LRIG1: variants seen among roughly 807,000 people sequenced by gnomAD.
LRIG1 encodes leucine rich repeats and immunoglobulin like domains 1, also known as leucine-rich repeats and immunoglobulin-like domains protein 1.
Under a neutral mutation model 99.2 loss-of-function variants are expected in LRIG1, and 48 were observed. That is an observed-to-expected ratio of 0.48 (90% CI 0.38 to 0.62). The LOEUF (loss-of-function observed/expected upper bound fraction) is 0.62. LRIG1 is among the 20% of genes least tolerant of loss of function. The pLI, the probability that LRIG1 is intolerant of heterozygous loss-of-function variation, is 0.00. For synonymous variants in LRIG1, 772 were observed against 596.1 expected (o/e 1.29, Z -4.30); for missense variants, 1,646 against 1,434.4 (o/e 1.15, Z -2.38).
At chr3:66,484,139 T>C (rs973220169) in intron 1 of LRIG1, among the ~76,000 whole-genome samples, 10 of 152,174 alleles carry the variant, frequency 6.6e-5, no homozygotes, top group Non-Finnish European at 2.9e-5. Flanking sequence ...GTGAGGGGTA[T>C]AGGAAGCTAC....
intron 12 of LRIG1, among the ~76,000 whole-genome samples, chr3:66,391,167 G>T (rs1308201094): frequency 6.6e-6 from 1 of 152,124 alleles, no homozygotes. Flanking sequence ...AATAACACAT[G>T]CTAGCAAAAA....
intron 1 of LRIG1, among the ~76,000 whole-genome samples, chr3:66,479,483 AAAAACTCTTCTCGCCTG>A (rs1052786886): frequency 6.6e-6 from 1 of 152,232 alleles, no homozygotes; most frequent in African/African-American, 2.4e-5. Flanking sequence ...TCTTAAAAAT[AAAAACTCTTCTCGCCTG>A]AGGAAGATAG....
rs149328398 is a variant in LRIG1 at position 66,418,229 on chromosome 3, T to C, written c.366-963A>G. Among the ~76,000 whole-genome samples the C allele has an allele frequency of 3.7e-3, 569 of 152,268 alleles. 2 individuals are homozygous for C. The highest frequency in any genetic ancestry group is 0.013 in the African/African-American group (540 of 41,564). Reference sequence around the variant, plus strand: ...GCCTCAGCCTCCCAGATCGCTGGGATTACAGGCACGTGCCACCACACCCAG... The same window carrying C: ...GCCTCAGCCTCCCAGATCGCTGGGACTACAGGCACGTGCCACCACACCCAG... On this transcript the variant is annotated intron_variant, in intron 3 of 18. Transcript: ENST00000273261.
intron 3 of LRIG1, among the ~76,000 whole-genome samples, chr3:66,442,312 C>A (rs758743767): frequency 2.6e-5 from 4 of 152,182 alleles, no homozygotes; most frequent in Non-Finnish European, 5.9e-5. Context: ...TGAGCAGACA[C>A]AATAGGCCCT....
chr3:66,465,765 A>G (rs1384539669), intron 1 of LRIG1, among the ~76,000 whole-genome samples: 1 of 152,062 alleles, frequency 6.6e-6, no homozygotes, highest in Non-Finnish European at 1.5e-5. Flanking sequence ...GTACCTTCAC[A>G]CTGTTGTGCA....
chr3:66,382,515 A>G, intron 15 of LRIG1, 117 bp from the exon 16 acceptor site: 1 of 1,192,060 alleles, frequency 8.4e-7, no homozygotes, highest in South Asian at 1.3e-5. Context: ...AGCGCTGTGC[A>G]GAGAGATGAC....
At chr3:66,401,750 T>A in intron 9 of LRIG1, 1 of 1,140,410 alleles carries the variant, frequency 8.8e-7, no homozygotes, top group Non-Finnish European at 1.2e-6. Flanking sequence ...ACAGCCGGGC[T>A]CCCTTTCAGA....
chr3:66,394,227 G>A (rs1423094145), intron 11 of LRIG1, 24 bp from the exon 12 acceptor site: 1 of 1,544,338 alleles, frequency 6.5e-7, no homozygotes. Context: ...AACAGTGGAT[G>A]CTTCAGGTGC....
chr3:66,391,951 AC>A (rs1180363555), intron 12 of LRIG1, among the ~76,000 whole-genome samples: 1 of 152,068 alleles, frequency 6.6e-6, no homozygotes, highest in African/African-American at 2.4e-5. Context: ...TTTAGCTATT[AC>A]CCCTCTCTTT....
intron 3 of LRIG1, among the ~76,000 whole-genome samples, chr3:66,449,705 C>T (rs1184839753): frequency 1.3e-5 from 2 of 152,218 alleles, no homozygotes; most frequent in Non-Finnish European, 2.9e-5. Context: ...GCGTTTGTGT[C>T]TGGTCTCAGT....
chr3:66,489,867 CCT>C (rs1701062962), intron 1 of LRIG1, among the ~76,000 whole-genome samples: 1 of 152,052 alleles, frequency 6.6e-6, no homozygotes, highest in Non-Finnish European at 1.5e-5. Context: ...TTAATTTTTT[CCT>C]CTCAGGTGAA....
At chr3:66,383,628 C>T (rs1417355249) in intron 14 of LRIG1, among the ~76,000 whole-genome samples, 1 of 152,296 alleles carries the variant, frequency 6.6e-6, no homozygotes, top group African/African-American at 2.4e-5. Context: ...AAAGCCCCTG[C>T]TATTCCCTAA....
intron 1 of LRIG1, among the ~76,000 whole-genome samples, chr3:66,466,909 C>T (rs905972141): frequency 4.6e-5 from 7 of 152,242 alleles, no homozygotes; most frequent in African/African-American, 1.7e-4. Context: ...CCAATTGCAG[C>T]TTTAATTAAA....
At chr3:66,435,074 G>GCAGC (rs1298440163) in intron 3 of LRIG1, among the ~76,000 whole-genome samples, 1 of 151,894 alleles carries the variant, frequency 6.6e-6, no homozygotes, top group South Asian at 2.1e-4. Context: ...TTAAAGTACG[G>GCAGC]CACATCCATA....
At chr3:66,424,039 C>A (rs1476223881) in intron 3 of LRIG1, among the ~76,000 whole-genome samples, 1 of 152,206 alleles carries the variant, frequency 6.6e-6, no homozygotes, top group Non-Finnish European at 1.5e-5. Flanking sequence ...TCTGGCTCCC[C>A]TCTCAGGAAC....
At chr3:66,382,465 T>C (rs548817671) in intron 15 of LRIG1, 67 bp from the exon 16 acceptor site, 3 of 1,585,994 alleles carry the variant, frequency 1.9e-6, no homozygotes, top group Non-Finnish European at 2.6e-6. Context: ...ACACGTTCAC[T>C]GTCAAGCTCA....
chr3:66,455,760 T>C (rs2106819929), intron 2 of LRIG1, among the ~76,000 whole-genome samples: 1 of 152,368 alleles, frequency 6.6e-6, no homozygotes, highest in East Asian at 1.9e-4. Flanking sequence ...AACTGTATTC[T>C]GCTTTAGTTA....
intron 3 of LRIG1, 53 bp downstream of exon 3, chr3:66,451,506 A>G (rs1292107621): frequency 6.5e-7 from 1 of 1,531,552 alleles, no homozygotes; most frequent in Non-Finnish European, 9.0e-7. Context: ...GCAAGGCAAC[A>G]AACACCATGG....
At chr3:66,455,975 C>T (rs1425095336) in intron 2 of LRIG1, among the ~76,000 whole-genome samples, 1 of 152,218 alleles carries the variant, frequency 6.6e-6, no homozygotes, top group African/African-American at 2.4e-5. Flanking sequence ...CATGCTAACA[C>T]TTTGAGGAAA....
Sources: gnomAD v4.1 joint callset for allele counts (sites outside exome capture counted in the v4.1 genomes callset) on GRCh38, gnomAD v4.1.1 for gene constraint, MANE v1.5 for transcripts, NCBI Gene and HGNC (gene_info 2026-07-23, HGNC 2026-07-21) for gene names.